PRKG1: variants seen among roughly 807,000 people sequenced by gnomAD.
PRKG1 encodes protein kinase cGMP-dependent 1, also known as cGMP-dependent protein kinase 1.
PRKG1 carries 35 observed loss-of-function variants against 88.1 expected under a neutral mutation model. The observed-to-expected ratio is 0.40, with a 90% CI of 0.30 to 0.53. The LOEUF is 0.53. Among genes scored for constraint, PRKG1 ranks in the 20% least tolerant of loss-of-function variants. The pLI is 0.59. For synonymous variants in PRKG1, 303 were observed against 292.5 expected, an observed-to-expected ratio of 1.04 and a Z score of -0.37; for missense variants, 540 against 839.8, an observed-to-expected ratio of 0.64 and a Z score of 4.41.
chr10:51,640,128 C>T (rs1192909787), intron 3 of PRKG1, among the ~76,000 whole-genome samples: 1 of 152,216 alleles, frequency 6.6e-6, no homozygotes, highest in East Asian at 1.9e-4. Context: ...ATCATCATCA[C>T]CATTTCTACC....
rs56082459 is a variant in PRKG1, at chr10:52,054,511, A to G, written c.790A>G (p.Ile264Val). 1.1e-4 allele frequency: 171 copies of G among 1,613,856 alleles called. No homozygotes were observed. The highest frequency in any genetic ancestry group is 1.3e-4 in the Non-Finnish European group (158 of 1,179,890). Residue 264 changes from isoleucine to valine, a missense_variant, in exon 6 of 18, where the codon ATC becomes GTC. Around this residue, in one of 5 missense-constraint regions of PRKG1, gnomAD observed 400 missense variants for 562.7 expected, o/e 0.71. Coordinates refer to ENST00000373980, the MANE Select transcript of PRKG1 (RefSeq NM_006258.4). ...ETHYENGEYI[I>V]RQGARGDTFF... ...CCACTATGAAAATGGAGAATATATT[A>G]TCAGGCAAGGTGCAAGAGGGGACAC...
chr10:51,834,704 GAGAA>G (rs951438539), intron 4 of PRKG1, among the ~76,000 whole-genome samples: 14 of 125,562 alleles, frequency 1.1e-4, no homozygotes, highest in Admixed American at 9.9e-4. Context: ...AAGAGAGAGA[GAGAA>G]AGAGAAAGAG....
At chr10:51,240,070 G>A (rs1388201411) in intron 2 of PRKG1, among the ~76,000 whole-genome samples, 1 of 152,124 alleles carries the variant, frequency 6.6e-6, no homozygotes, top group Non-Finnish European at 1.5e-5. Flanking sequence ...TAATTTAGGT[G>A]TGATCACAAA....
At chr10:51,598,516 C>T (rs944436316) in intron 3 of PRKG1, among the ~76,000 whole-genome samples, 1 of 152,168 alleles carries the variant, frequency 6.6e-6, no homozygotes, top group Non-Finnish European at 1.5e-5. Context: ...CCTTGGCCTC[C>T]TAGAGTGCTG....
At chr10:51,977,432 C>T (rs2454563) in intron 5 of PRKG1, among the ~76,000 whole-genome samples, 34,765 of 151,892 alleles carry the variant, frequency 0.23, 4,426 homozygotes, top group Admixed American at 0.31. Context: ...AATGAACATA[C>T]GCATGCCTGT....
intron 3 of PRKG1, among the ~76,000 whole-genome samples, chr10:51,713,034 G>A (rs1311197075): frequency 2.6e-5 from 4 of 151,884 alleles, no homozygotes; most frequent in Admixed American, 6.6e-5. Context: ...ATTTTCCCAG[G>A]GTTATACAGC....
chr10:52,082,055 T>C (rs867435964), intron 7 of PRKG1, among the ~76,000 whole-genome samples: 1 of 152,102 alleles, frequency 6.6e-6, no homozygotes, highest in Non-Finnish European at 1.5e-5. Context: ...CTTACAATCA[T>C]GGTGTACAGG....
At chr10:51,905,545 C>G (rs535933505) in intron 4 of PRKG1, among the ~76,000 whole-genome samples, 5 of 152,046 alleles carry the variant, frequency 3.3e-5, no homozygotes, top group South Asian at 4.1e-4. Flanking sequence ...ACTATAGTTC[C>G]ACATCCCAGT....
At chr10:51,622,734 G>A (rs1770286691) in intron 3 of PRKG1, among the ~76,000 whole-genome samples, 1 of 152,122 alleles carries the variant, frequency 6.6e-6, no homozygotes, top group African/African-American at 2.4e-5. Flanking sequence ...GACCATTATT[G>A]TCAAAGGGTG....
chr10:51,487,847 T>G (rs746801048), intron 3 of PRKG1, among the ~76,000 whole-genome samples: 5 of 152,138 alleles, frequency 3.3e-5, no homozygotes, highest in Non-Finnish European at 7.3e-5. Flanking sequence ...GAATATATAC[T>G]CAAAAAGTGT....
At chr10:52,161,199 A>T (rs189270943) in intron 8 of PRKG1, among the ~76,000 whole-genome samples, 165 of 152,158 alleles carry the variant, frequency 1.1e-3, no homozygotes, top group Non-Finnish European at 2.0e-3. Context: ...ACAATTGATG[A>T]TGCTTCACTA....
chr10:51,308,290 C>T (rs1934928337), intron 2 of PRKG1, among the ~76,000 whole-genome samples: 1 of 152,108 alleles, frequency 6.6e-6, no homozygotes, highest in Admixed American at 6.6e-5. Context: ...TTTTGCTTAG[C>T]TAGAAACAGG....
At chr10:52,252,632 T>C (rs761673703) in intron 10 of PRKG1, 2 of 152,106 alleles carry the variant, frequency 1.3e-5, no homozygotes, top group Non-Finnish European at 2.9e-5. Context: ...TTTATATTTG[T>C]CTATTTGTAT....
At chr10:51,595,195 A>G (rs7898320) in intron 3 of PRKG1, among the ~76,000 whole-genome samples, 10,930 of 152,180 alleles carry the variant, frequency 0.072, 1,287 homozygotes, top group African/African-American at 0.25. Flanking sequence ...AAAAATGGTA[A>G]AGCTTAGCTG....
chr10:52,031,981 A>G (rs1329909400), intron 5 of PRKG1, among the ~76,000 whole-genome samples: 1 of 152,192 alleles, frequency 6.6e-6, no homozygotes, highest in Non-Finnish European at 1.5e-5. Context: ...GCTGGAGTGT[A>G]GAGGGAGAGG....
chr10:52,158,929 G>A (rs983531465), intron 8 of PRKG1, among the ~76,000 whole-genome samples: 2 of 151,412 alleles, frequency 1.3e-5, no homozygotes, highest in African/African-American at 4.8e-5. Flanking sequence ...TATCTGTGAT[G>A]TATTCAGCTA....
At chr10:52,293,637 C>A (rs1842319065) in intron 17 of PRKG1, among the ~76,000 whole-genome samples, 165 bp from the exon 18 acceptor site, 2 of 152,022 alleles carry the variant, frequency 1.3e-5, no homozygotes, top group South Asian at 2.1e-4. Context: ...AGGATAAGAA[C>A]CATGTCTGCT....
intron 9 of PRKG1, among the ~76,000 whole-genome samples, chr10:52,188,197 T>A (rs1839246970): frequency 7.8e-6 from 1 of 127,616 alleles, no homozygotes; most frequent in African/African-American, 2.7e-5. Flanking sequence ...TGTATGTGTG[T>A]GTGTATATAT....
chr10:51,551,105 A>G (rs1401401296), intron 3 of PRKG1, among the ~76,000 whole-genome samples: 3 of 151,886 alleles, frequency 2.0e-5, no homozygotes, highest in Non-Finnish European at 2.9e-5. Context: ...TCTGTGTGCA[A>G]TGGTATAACT....
Sources: allele counts gnomAD v4.1 joint callset (sites outside exome capture counted in the v4.1 genomes callset), GRCh38; gene constraint gnomAD v4.1.1; regional missense constraint gnomAD v4.1.1; transcripts MANE v1.5; gene names NCBI Gene and HGNC (gene_info 2026-07-23, HGNC 2026-07-21).